The following SLC13A3 variants were observed in gnomAD, a reference collection of about 807,000 sequenced individuals.
SLC13A3 encodes Na(+)/dicarboxylate cotransporter 3.
A neutral mutation model predicts 59.0 loss-of-function variants in SLC13A3; 40 were observed. The observed-to-expected ratio is 0.68, with a 90% CI of 0.53 to 0.88. The LOEUF (loss-of-function observed/expected upper bound fraction) is 0.88. Ranked by LOEUF, SLC13A3 falls within the 40% of genes least tolerant of loss-of-function variation. The pLI is 0.00. For missense variants in SLC13A3, 699 were observed against 783.2 expected (o/e 0.89, Z 1.28); for synonymous variants, 317 against 330.3 (o/e 0.96, Z 0.44).
At chr20:46,596,835 G>A (rs915573708) in intron 4 of SLC13A3, among the ~76,000 whole-genome samples, 2 of 152,178 alleles carry the variant, frequency 1.3e-5, no homozygotes, top group Admixed American at 1.3e-4. Flanking sequence ...AGGATTGCTT[G>A]AGGAAAGGAG....
chr20:46,588,072 G>A lies in SLC13A3; in HGVS notation c.1108C>T (p.Leu370Phe). ...CCAGAGTCTCACCCAGGATTGAAGAGGCTGGCCCAGCCAGGGATGAACTTC... is the reference window on the plus strand; with the variant it reads ...CCAGAGTCTCACCCAGGATTGAAGAAGCTGGCCCAGCCAGGGATGAACTTC... ...DPKFIPGWAS[L>F]FNPGFLSDAV... Residue 370 changes from leucine to phenylalanine, a missense_variant, in exon 8 of 13, where the codon CTC becomes TTC. Physicochemically the swap from Leu to Phe is conservative, Grantham distance 22. Transcript: ENST00000279027. 1 of 1,606,928 alleles carries A rather than the reference G, an allele frequency of 6.2e-7. No homozygotes were observed.
At chr20:46,664,291 A>G (rs1282606074) in intron 1 of SLC13A3, among the ~76,000 whole-genome samples, 1 of 152,192 alleles carries the variant, frequency 6.6e-6, no homozygotes, top group African/African-American at 2.4e-5. Context: ...TTTTTATCAC[A>G]TCACGTCTAA....
At chr20:46,605,251 C>CTGA (rs1039403605) in intron 3 of SLC13A3, among the ~76,000 whole-genome samples, 2 of 152,104 alleles carry the variant, frequency 1.3e-5, no homozygotes, top group African/African-American at 4.8e-5. Context: ...GCATTATTTT[C>CTGA]TGATGATGAT....
At chr20:46,561,787 C>A (rs2061933728) in intron 12 of SLC13A3, among the ~76,000 whole-genome samples, 2 of 151,988 alleles carry the variant, frequency 1.3e-5, no homozygotes, top group African/African-American at 4.8e-5. Context: ...GAAGCCCTGG[C>A]ACCTTCGGAG....
intron 10 of SLC13A3, among the ~76,000 whole-genome samples, chr20:46,568,479 C>T (rs2062001475): frequency 6.7e-6 from 1 of 148,986 alleles, no homozygotes; most frequent in Admixed American, 6.7e-5. Context: ...CTTGCCCCTA[C>T]AATTTGACTT....
chr20:46,582,451 A>T (rs111962970), intron 9 of SLC13A3, among the ~76,000 whole-genome samples: 151 of 70,602 alleles, frequency 2.1e-3, no homozygotes, highest in African/African-American at 3.3e-3. Flanking sequence ...TTTTTTTTTT[A>T]AATTAGCCAA....
rs1245678604 is a variant in SLC13A3, at chr20:46,660,326, C to T, written c.-31+9717G>A. ...TTATCTGAAAGTATCTTTATTTTTGCTTTTGTTTTTGAAGTTACTTTCACC... is the reference window on the plus strand; with the variant it reads ...TTATCTGAAAGTATCTTTATTTTTGTTTTTGTTTTTGAAGTTACTTTCACC... On this transcript the variant is annotated intron_variant, in intron 1 of 12. Transcript: ENST00000290317. Among the ~76,000 whole-genome samples, 7 of 151,990 alleles carry T rather than the reference C, an allele frequency of 4.6e-5. No individual in the cohort carries two copies. In the East Asian group the frequency reaches 1.3e-3, roughly 29 times the overall value.
chr20:46,672,644 G>A (rs1222616737), upstream of SLC13A3, among the ~76,000 whole-genome samples: 1 of 152,176 alleles, frequency 6.6e-6, no homozygotes, highest in African/African-American at 2.4e-5. Flanking sequence ...TGACTGCTTT[G>A]ACCAACAGCT....
intron 1 of SLC13A3, among the ~76,000 whole-genome samples, chr20:46,659,634 G>A (rs547103481): frequency 2.6e-5 from 4 of 151,428 alleles, no homozygotes; most frequent in Non-Finnish European, 5.9e-5. Context: ...AGGATAGCTC[G>A]AGCCCGGGGA....
At chr20:46,603,401 A>G (rs984216351) in intron 3 of SLC13A3, among the ~76,000 whole-genome samples, 1 of 151,958 alleles carries the variant, frequency 6.6e-6, no homozygotes, top group African/African-American at 2.4e-5. Flanking sequence ...TTGAGATAGG[A>G]TCTCGTTCTG....
chr20:46,604,298 C>T (rs1044315898), intron 3 of SLC13A3, among the ~76,000 whole-genome samples: 10 of 152,126 alleles, frequency 6.6e-5, no homozygotes, highest in African/African-American at 2.4e-4. Flanking sequence ...TTCCTTTTAA[C>T]ACCCCCTTCC....
chr20:46,681,035 T>G (rs1435818345), intron 1 of SLC13A3, among the ~76,000 whole-genome samples: 1 of 152,198 alleles, frequency 6.6e-6, no homozygotes, highest in African/African-American at 2.4e-5. Flanking sequence ...AGAAGTGGCA[T>G]GTTCTGGCTT....
At chr20:46,625,991 G>A (rs1568943514) in intron 1 of SLC13A3, among the ~76,000 whole-genome samples, 1 of 152,282 alleles carries the variant, frequency 6.6e-6, no homozygotes, top group Non-Finnish European at 1.5e-5. Context: ...TGCTTTGGAG[G>A]TGACATCCTG....
At chr20:46,600,414 G>GA (rs1568930204) in intron 3 of SLC13A3, among the ~76,000 whole-genome samples, 7 of 148,472 alleles carry the variant, frequency 4.7e-5, no homozygotes, top group African/African-American at 1.3e-4. Context: ...AAGGAGGAAG[G>GA]AAGGAAGGAA....
intron 1 of SLC13A3, among the ~76,000 whole-genome samples, chr20:46,614,805 T>G (rs189624716): frequency 1.1e-4 from 17 of 152,274 alleles, no homozygotes; most frequent in African/African-American, 3.8e-4. Context: ...TTCATACAAG[T>G]GCCCTGCTGC....
At chr20:46,592,365 G>C in intron 6 of SLC13A3, 39 bp downstream of exon 6, 1 of 1,610,824 alleles carries the variant, frequency 6.2e-7, no homozygotes, top group Non-Finnish European at 8.5e-7. Flanking sequence ...GCCATTCCCT[G>C]CTTCCCCACT....
At position 46,589,267 on chromosome 20, in the gene SLC13A3, A is replaced by G. The variant is rs201387475; in HGVS notation, c.921-12T>C. ...TCTTCCTCCAGCCCCTGAAACAGAA[A>G]GTGGGAGATTAGGAGTGGCCACTGC... On this transcript the variant is annotated splice_polypyrimidine_tract_variant and intron_variant, in intron 6 of 12. Transcript: ENST00000279027. 4.0e-5 allele frequency: 65 copies of G among 1,613,308 alleles called. No individual in the cohort carries two copies. The highest frequency in any genetic ancestry group is 5.2e-5 in the Non-Finnish European group (61 of 1,179,364).
intron 1 of SLC13A3, among the ~76,000 whole-genome samples, chr20:46,632,170 G>A (rs1224240449): frequency 6.6e-6 from 1 of 152,188 alleles, no homozygotes. Context: ...CTGCCTACGA[G>A]AGTCCCACTT....
chr20:46,591,782 T>C (rs879836936), intron 6 of SLC13A3, among the ~76,000 whole-genome samples: 43 of 152,202 alleles, frequency 2.8e-4, no homozygotes, highest in Non-Finnish European at 4.4e-4. Context: ...TCTTCTCTGG[T>C]CAAGAGTGTT....
Sources: allele counts gnomAD v4.1 joint callset (sites outside exome capture counted in the v4.1 genomes callset), GRCh38; gene constraint gnomAD v4.1.1; transcripts MANE v1.5; gene names NCBI Gene and HGNC (gene_info 2026-07-23, HGNC 2026-07-21).